The following SEMA6D variants were observed in gnomAD, a reference collection of about 807,000 sequenced individuals.
The protein encoded by SEMA6D is semaphorin-6D.
In SEMA6D, 35 loss-of-function variants were observed where a neutral mutation model predicts 106.6. The ratio of observed to expected loss-of-function variants is 0.33; its 90% CI spans 0.25 to 0.44. The LOEUF is 0.44. Ranked by LOEUF, SEMA6D falls within the 20% of genes least tolerant of loss-of-function variation. The probability of loss-of-function intolerance (pLI) is 1.00; values close to 1 mark genes in which losing one functional copy is unlikely to be tolerated. For missense variants in SEMA6D, 1,185 were observed against 1,345.9 expected, an observed-to-expected ratio of 0.88 and a Z score of 1.87; for synonymous variants, 499 against 487.7, an observed-to-expected ratio of 1.02 and a Z score of -0.31.
intron 1 of SEMA6D, among the ~76,000 whole-genome samples, chr15:47,265,932 C>T (rs1383923753): frequency 2.0e-5 from 3 of 152,210 alleles, no homozygotes; most frequent in East Asian, 1.9e-4. Context: ...GCCTCTCTGT[C>T]GCTGTTTCTT....
At chr15:47,420,135 C>G (rs1177490936) in intron 2 of SEMA6D, among the ~76,000 whole-genome samples, 1 of 152,074 alleles carries the variant, frequency 6.6e-6, no homozygotes, top group East Asian at 1.9e-4. Flanking sequence ...TAAGTTGAGC[C>G]AAACAGTGGC....
At chr15:47,753,331 A>G (rs932198868) in intron 1 of SEMA6D, among the ~76,000 whole-genome samples, 2 of 152,220 alleles carry the variant, frequency 1.3e-5, no homozygotes, top group Non-Finnish European at 2.9e-5. Flanking sequence ...GCTTGTCTCA[A>G]CTAGTGCTCA....
At chr15:47,306,443 C>T (rs1428240771) in intron 1 of SEMA6D, among the ~76,000 whole-genome samples, 4 of 151,996 alleles carry the variant, frequency 2.6e-5, no homozygotes, top group Non-Finnish European at 4.4e-5. Flanking sequence ...AGTTGATGGC[C>T]AGGCATGGTG....
chr15:47,619,304 TTTAG>T (rs1329692353), intron 4 of SEMA6D, among the ~76,000 whole-genome samples: 1 of 152,178 alleles, frequency 6.6e-6, no homozygotes, highest in African/African-American at 2.4e-5. Context: ...TCTTCAAACC[TTTAG>T]TTAAAGCAAC....
chr15:47,673,338 AAC>A (rs2078174271), intron 4 of SEMA6D, among the ~76,000 whole-genome samples: 1 of 152,198 alleles, frequency 6.6e-6, no homozygotes, highest in South Asian at 2.1e-4. Flanking sequence ...GAGAAAATAT[AAC>A]ACAATTATCT....
chr15:47,585,019 G>A (rs532526740), intron 3 of SEMA6D, among the ~76,000 whole-genome samples: 2 of 152,180 alleles, frequency 1.3e-5, no homozygotes, highest in Non-Finnish European at 2.9e-5. Flanking sequence ...TATGAAGGCA[G>A]CAGGTGTCCA....
At chr15:47,403,905 G>A (rs1368320101) in intron 1 of SEMA6D, among the ~76,000 whole-genome samples, 3 of 152,130 alleles carry the variant, frequency 2.0e-5, no homozygotes, top group African/African-American at 4.8e-5. Flanking sequence ...GACTGACAAG[G>A]ATAACCTTTA....
chr15:47,580,332 C>T (rs557458629), intron 3 of SEMA6D, among the ~76,000 whole-genome samples: 1 of 152,248 alleles, frequency 6.6e-6, no homozygotes, highest in East Asian at 1.9e-4. Flanking sequence ...TGGTTTTTCA[C>T]GAACTCTGCA....
intron 4 of SEMA6D, among the ~76,000 whole-genome samples, chr15:47,659,226 C>T (rs2077867243): frequency 6.6e-6 from 1 of 151,624 alleles, no homozygotes; most frequent in Non-Finnish European, 1.5e-5. Context: ...CTACATTAAA[C>T]AATTTGATTT....
intron 1 of SEMA6D, among the ~76,000 whole-genome samples, chr15:47,385,678 AT>A (rs34418589): frequency 0.22 from 33,292 of 151,844 alleles, 3,930 homozygotes; most frequent in Middle Eastern, 0.33. Context: ...GCAATAAAGA[AT>A]TTTTTTTAAA....
Position 47,349,716 on chromosome 15 carries a change from A to G in SEMA6D, c.-238-62677A>G, listed in dbSNP as rs561465289. Among the ~76,000 whole-genome samples the G allele has an allele frequency of 5.2e-5, 7 of 134,664 alleles. No individual in the cohort carries two copies. In the South Asian group the frequency reaches 1.9e-3, roughly 37 times the overall value. The allele number at this position is 134,664 out of a possible 152,430, so 88.3% of individuals were successfully genotyped here. A position where few individuals can be genotyped will look rare whatever the true frequency, so the allele number is the denominator to read the frequency against. ...TATAAAAAAATATGGATCTAGAGATAAAGCCTAATAGAAAAACAGATTTTG... is the reference window on the plus strand; with the variant it reads ...TATAAAAAAATATGGATCTAGAGATGAAGCCTAATAGAAAAACAGATTTTG... On this transcript the variant is annotated intron_variant, in intron 1 of 19. Coordinates refer to the SEMA6D transcript ENST00000558014.
At chr15:47,325,264 C>A (rs971626941) in intron 1 of SEMA6D, among the ~76,000 whole-genome samples, 3 of 152,004 alleles carry the variant, frequency 2.0e-5, no homozygotes, top group Non-Finnish European at 4.4e-5. Context: ...ACCTCCACCT[C>A]CCGGGTTCAA....
In SEMA6D at chr15:47,407,414, AAAAC is replaced by A. The variant is rs1567058232; in HGVS notation, c.-238-4975_-238-4972del. Among the ~76,000 whole-genome samples the A allele has an allele frequency of 4.6e-5, 7 of 150,554 alleles. 1 individual carries two copies. Among genetic ancestry groups the A allele is most frequent in the South Asian group, 2.1e-4 (1 of 4,750 alleles). ...CAAAACAACAACAACAACAACAAAA[AAAAC>A]AAAAAAAACAAACAAAAATACTTAA... On this transcript the variant is annotated intron_variant, in intron 1 of 19. Transcript: ENST00000558014.
chr15:47,410,873 C>A (rs967256278), intron 1 of SEMA6D, among the ~76,000 whole-genome samples: 2 of 152,230 alleles, frequency 1.3e-5, no homozygotes, highest in African/African-American at 4.8e-5. Flanking sequence ...CTAAATGATT[C>A]TTTGGTCTTT....
At chr15:47,453,966 T>C (rs1034015707) in intron 2 of SEMA6D, among the ~76,000 whole-genome samples, 1 of 151,958 alleles carries the variant, frequency 6.6e-6, no homozygotes, top group Non-Finnish European at 1.5e-5. Flanking sequence ...GACGCCCCAA[T>C]GATTGTGGCT....
chr15:47,266,840 G>A (rs1173124021), intron 1 of SEMA6D, among the ~76,000 whole-genome samples: 1 of 152,088 alleles, frequency 6.6e-6, no homozygotes, highest in African/African-American at 2.4e-5. Context: ...GAAGATTCTT[G>A]TTCAAATACC....
intron 3 of SEMA6D, among the ~76,000 whole-genome samples, chr15:47,512,702 C>T (rs2044269600): frequency 1.3e-5 from 2 of 152,168 alleles, no homozygotes; most frequent in Non-Finnish European, 2.9e-5. Context: ...ACTGTGAAGC[C>T]ACCACTGGGG....
intron 1 of SEMA6D, among the ~76,000 whole-genome samples, chr15:47,355,986 T>TC (rs1386612045): frequency 2.2e-4 from 34 of 152,170 alleles, no homozygotes; most frequent in Admixed American, 2.1e-3. Context: ...CTCTGAGAAT[T>TC]TCAGAGCTCC....
chr15:47,458,230 T>C (rs1019449184), intron 2 of SEMA6D, among the ~76,000 whole-genome samples: 1 of 152,006 alleles, frequency 6.6e-6, no homozygotes, highest in African/African-American at 2.4e-5. Flanking sequence ...TATACTGATG[T>C]ATTGGAGGTT....
Sources: allele counts gnomAD v4.1 joint callset (sites outside exome capture counted in the v4.1 genomes callset), GRCh38; gene constraint gnomAD v4.1.1; transcripts MANE v1.5; gene names NCBI Gene and HGNC (gene_info 2026-07-23, HGNC 2026-07-21).